Variants in TMEM132D observed in about 807,000 individuals in gnomAD.
TMEM132D encodes the protein mature OL transmembrane protein.
A neutral mutation model predicts 62.3 loss-of-function variants in TMEM132D; 21 were observed. The observed-to-expected ratio is 0.34, with a 90% CI of 0.24 to 0.49. The LOEUF is 0.49. TMEM132D is among the 20% of genes least tolerant of loss of function. The pLI is 0.99. For synonymous variants in TMEM132D, 621 were observed against 575.6 expected, an observed-to-expected ratio of 1.08 and a Z score of -1.13; for missense variants, 1,346 against 1,402.8, an observed-to-expected ratio of 0.96 and a Z score of 0.65.
At chr12:129,572,790 A>C (rs1424369188) in intron 2 of TMEM132D, among the ~76,000 whole-genome samples, 1 of 151,480 alleles carries the variant, frequency 6.6e-6, no homozygotes, top group Non-Finnish European at 1.5e-5. Context: ...TAACCCCAGT[A>C]CCTCTGCTTG....
chr12:129,432,774 T>C lies in TMEM132D; in HGVS notation c.1116-94957A>G, dbSNP rs563058088. Among the ~76,000 whole-genome samples, 8 of 152,358 alleles carry C rather than the reference T, an allele frequency of 5.3e-5. No individual in the cohort carries two copies. In the East Asian group the frequency reaches 1.5e-3, roughly 29 times the overall value. On this transcript the variant is annotated intron_variant, in intron 3 of 8. Transcript: ENST00000422113. ...AATTAAGGAGGATACATGTTTTCTA[T>C]GGAAACTTTTCTTTTTGTATAATAA...
intron 4 of TMEM132D, among the ~76,000 whole-genome samples, chr12:129,236,122 G>C (rs993950173): frequency 3.7e-5 from 5 of 135,414 alleles, no homozygotes; most frequent in African/African-American, 1.4e-4. Context: ...GTGTGTGTGT[G>C]TGTGTGTGTG....
chr12:129,191,995 A>G (rs1336185667), intron 5 of TMEM132D, among the ~76,000 whole-genome samples: 2 of 152,206 alleles, frequency 1.3e-5, no homozygotes, highest in African/African-American at 4.8e-5. Context: ...TTCTGTACGA[A>G]AGCTTCCATC....
At chr12:129,293,306 C>T (rs941754868) in intron 4 of TMEM132D, among the ~76,000 whole-genome samples, 1 of 152,046 alleles carries the variant, frequency 6.6e-6, no homozygotes, top group Non-Finnish European at 1.5e-5. Flanking sequence ...TAAAGCCAGA[C>T]GGACACCTGG....
At chr12:129,125,136 CAG>C (rs2135658157) in intron 5 of TMEM132D, among the ~76,000 whole-genome samples, 1 of 152,276 alleles carries the variant, frequency 6.6e-6, no homozygotes, top group African/African-American at 2.4e-5. Flanking sequence ...CAAATACACT[CAG>C]AAATAATGTG....
intron 3 of TMEM132D, among the ~76,000 whole-genome samples, chr12:129,378,483 TCAAAGGTTTTAGGGGGAA>T: frequency 6.6e-6 from 1 of 152,206 alleles, no homozygotes; most frequent in Non-Finnish European, 1.5e-5. Flanking sequence ...CAGGAGCTAA[TCAAAGGTTTTAGGGGGAA>T]CCTGAGATGA....
chr12:129,410,317 T>C (rs7962648), intron 3 of TMEM132D, among the ~76,000 whole-genome samples: 28,229 of 152,048 alleles, frequency 0.19, 2,741 homozygotes, highest in Non-Finnish European at 0.21. Flanking sequence ...AAAGACATAC[T>C]CGAGACTGGG....
At chr12:129,815,350 T>C (rs904536254) in intron 1 of TMEM132D, among the ~76,000 whole-genome samples, 13 of 152,200 alleles carry the variant, frequency 8.5e-5, no homozygotes, top group African/African-American at 3.1e-4. Context: ...CTTGAGAGAC[T>C]CATTAAGCAA....
intron 3 of TMEM132D, among the ~76,000 whole-genome samples, chr12:129,413,872 T>C (rs1311933931): frequency 6.6e-6 from 1 of 152,174 alleles, no homozygotes; most frequent in Non-Finnish European, 1.5e-5. Context: ...TCATACAAAA[T>C]ATTAGAAACA....
At chr12:129,620,344 A>G (rs1403698896) in intron 2 of TMEM132D, among the ~76,000 whole-genome samples, 2 of 152,184 alleles carry the variant, frequency 1.3e-5, no homozygotes, top group East Asian at 3.8e-4. Flanking sequence ...CAGGCCTGCA[A>G]TCCCAGCACT....
chr12:129,903,181 G>T lies in TMEM132D; in HGVS notation c.79+80C>A. ...TGCACACGAGCCCTCTCTCCCGGCC[G>T]CCCCCATCCTCCACACACTCCCACA... On this transcript the variant is annotated intron_variant, in intron 1 of 8. Transcript: ENST00000422113. This position sits in a 1 kb window ranked among gnomAD's most constrained non-coding sequence, Gnocchi z 6.2. 1 of 1,425,770 alleles carries T rather than the reference G, an allele frequency of 7.0e-7. No homozygotes were observed. The highest frequency in any genetic ancestry group is 2.0e-5 in the Admixed American group (1 of 49,274). 88.3% of individuals were successfully genotyped at this position (1,425,770 alleles called of 1,614,324 possible).
At chr12:129,635,564 T>G (rs1428222137) in intron 2 of TMEM132D, among the ~76,000 whole-genome samples, 3 of 152,212 alleles carry the variant, frequency 2.0e-5, no homozygotes, top group African/African-American at 7.2e-5. Flanking sequence ...ATGCCTTTAC[T>G]CCAACCACAG....
rs144127917 is a variant in TMEM132D, at chr12:129,425,293, G to T, written c.1116-87476C>A. On this transcript the variant is annotated intron_variant, in intron 3 of 8. Coordinates refer to ENST00000422113, the MANE Select transcript of TMEM132D (RefSeq NM_133448.3). Reference sequence around the variant, plus strand: ...CACTTGAAACTGCTGGCCCATATGGGAAATTTTTGTATTTAATGTTTTAAG... The same window carrying T: ...CACTTGAAACTGCTGGCCCATATGGTAAATTTTTGTATTTAATGTTTTAAG... Among the ~76,000 whole-genome samples the T allele has an allele frequency of 2.0e-5, 3 of 152,226 alleles. No individual in the cohort carries two copies. The East Asian group carries it at 5.8e-4, about 29-fold the overall frequency.
At chr12:129,469,944 C>A (rs191873763) in intron 3 of TMEM132D, among the ~76,000 whole-genome samples, 1 of 152,296 alleles carries the variant, frequency 6.6e-6, no homozygotes, top group Non-Finnish European at 1.5e-5. Context: ...GTCATAATCC[C>A]CTTCAAGCCT....
intron 3 of TMEM132D, among the ~76,000 whole-genome samples, chr12:129,438,813 AT>A (rs1191739412): frequency 6.6e-6 from 1 of 152,230 alleles, no homozygotes; most frequent in African/African-American, 2.4e-5. Context: ...CTACATCACC[AT>A]TCAATTAAGT....
At chr12:129,594,728 T>C (rs1452403593) in intron 2 of TMEM132D, among the ~76,000 whole-genome samples, 2 of 152,188 alleles carry the variant, frequency 1.3e-5, no homozygotes, top group African/African-American at 4.8e-5. Flanking sequence ...ACATTTGCTA[T>C]TCCTGTAAGT....
intron 1 of TMEM132D, among the ~76,000 whole-genome samples, chr12:129,850,625 A>G (rs1873509093): frequency 6.6e-6 from 1 of 152,310 alleles, no homozygotes; most frequent in African/African-American, 2.4e-5. Context: ...TTTTATACAT[A>G]TGTCTTCTAT....
chr12:129,189,376 T>A (rs546449794), intron 5 of TMEM132D, among the ~76,000 whole-genome samples: 1 of 152,126 alleles, frequency 6.6e-6, no homozygotes, highest in Admixed American at 6.5e-5. Context: ...AAGTTTCCAA[T>A]CCCTGGGAAG....
intron 3 of TMEM132D, among the ~76,000 whole-genome samples, chr12:129,384,129 G>A (rs1197787106): frequency 6.6e-6 from 1 of 152,218 alleles, no homozygotes; most frequent in African/African-American, 2.4e-5. Context: ...GCAAAGAGAA[G>A]TTGCACCAAC....
Sources: allele counts gnomAD v4.1 joint callset (sites outside exome capture counted in the v4.1 genomes callset), GRCh38; gene constraint gnomAD v4.1.1; non-coding constraint Gnocchi (gnomAD v3.1); transcripts MANE v1.5; gene names NCBI Gene and HGNC (gene_info 2026-07-23, HGNC 2026-07-21).